PVT1: variants seen among roughly 807,000 people sequenced by gnomAD.
The protein encoded by PVT1 is Pvt1 oncogene.
chr8:128,011,710 G>A (rs867700276), intron 4 of PVT1, among the ~76,000 whole-genome samples: 18 of 152,334 alleles, frequency 1.2e-4, no homozygotes, highest in Admixed American at 6.5e-4. Context: ...GAGTTAGGAG[G>A]TAGAGACTGG....
chr8:127,899,996 GC>G (rs1815738668), intron 3 of PVT1, among the ~76,000 whole-genome samples: 2 of 152,172 alleles, frequency 1.3e-5, no homozygotes, highest in Admixed American at 1.3e-4. Flanking sequence ...GGCATGCTTT[GC>G]TTTGGATCAT....
intron 3 of PVT1, among the ~76,000 whole-genome samples, chr8:127,967,644 A>G (rs1043690384): frequency 6.6e-6 from 1 of 152,188 alleles, no homozygotes; most frequent in Non-Finnish European, 1.5e-5. Context: ...TTCCCAGCCT[A>G]CTTTGAGCCA....
intron 3 of PVT1, among the ~76,000 whole-genome samples, chr8:127,902,734 G>A (rs1815774414): frequency 6.6e-6 from 1 of 152,130 alleles, no homozygotes; most frequent in Non-Finnish European, 1.5e-5. Flanking sequence ...ATGGCCTCCA[G>A]CTGCATCCAT....
intron 2 of PVT1, among the ~76,000 whole-genome samples, chr8:127,811,354 C>T (rs1814592992): frequency 6.6e-6 from 1 of 152,114 alleles, no homozygotes; most frequent in African/African-American, 2.4e-5. Flanking sequence ...CGTATGTGGC[C>T]CCCGGGGCCA....
In PVT1 at chr8:127,808,755, C is replaced by T. The variant is rs566825214; in HGVS notation, n.372+12684C>T. Reference sequence around the variant, plus strand: ...ACAGAAAGGACTTCTTGGGACCAGGCGTGGTGGCTCATGCCTGTAATCCCA... The same window carrying T: ...ACAGAAAGGACTTCTTGGGACCAGGTGTGGTGGCTCATGCCTGTAATCCCA... On this transcript the variant is annotated intron_variant and non_coding_transcript_variant, in intron 2 of 10. Coordinates refer to ENST00000651587, the Ensembl canonical transcript of PVT1. Among the ~76,000 whole-genome samples, 226 of 151,956 alleles carry T rather than the reference C, an allele frequency of 1.5e-3. 1 individual carries two copies. Among genetic ancestry groups the T allele is most frequent in the African/African-American group, 5.2e-3 (217 of 41,454 alleles).
intron 2 of PVT1, among the ~76,000 whole-genome samples, chr8:127,887,931 GTTT>G (rs560976785): frequency 1.5e-5 from 1 of 66,588 alleles, no homozygotes; most frequent in African/African-American, 6.5e-5. Context: ...ACTCTATCTT[GTTT>G]TTTTTTTTTT....
chr8:127,972,383 A>G (rs923299817), intron 3 of PVT1, among the ~76,000 whole-genome samples: 3 of 152,178 alleles, frequency 2.0e-5, no homozygotes, highest in South Asian at 4.1e-4. Flanking sequence ...GATGGTTTCA[A>G]TTGGAGCTGT....
intron 3 of PVT1, among the ~76,000 whole-genome samples, chr8:127,894,432 A>G (rs959968556): frequency 6.6e-6 from 1 of 152,196 alleles, no homozygotes; most frequent in African/African-American, 2.4e-5. Flanking sequence ...ACTGAGGTTC[A>G]GTGAGATCCA....
Position 127,984,994 on chromosome 8 carries a change from T to TTCCTTCCTTCCTTCC in PVT1, n.783-4167_783-4166insCCTTCCTTCCTTCCT, listed in dbSNP as rs1563657746. On this transcript the variant is annotated intron_variant and non_coding_transcript_variant, in intron 3 of 10. Coordinates refer to ENST00000651587, the Ensembl canonical transcript of PVT1. The stretch of plus-strand genomic sequence containing the variant: ...TCCTTCCTTCCTTTCTTTCTTTCTC[T>TTCCTTCCTTCCTTCC]TTCCTTCCTTCCTTCCTTCCTTCCT... 7.4e-5 allele frequency among the ~76,000 whole-genome samples: 5 copies of TTCCTTCCTTCCTTCC among 67,134 alleles called. No homozygotes were observed. In the South Asian group the frequency reaches 1.5e-3, roughly 20 times the overall value. The allele number at this position is 67,134 out of a possible 152,430, so 44.0% of individuals were successfully genotyped here. A position where few individuals can be genotyped will look rare whatever the true frequency, so the allele number is the denominator to read the frequency against.
chr8:127,814,383 ATGCATCCT>A (rs551818737), intron 2 of PVT1, among the ~76,000 whole-genome samples: 1 of 152,194 alleles, frequency 6.6e-6, no homozygotes, highest in Non-Finnish European at 1.5e-5. Flanking sequence ...CCAGCCTTTC[ATGCATCCT>A]TGTCTTTATT....
chr8:127,894,863 C>G (rs748380814), intron 3 of PVT1, among the ~76,000 whole-genome samples: 3 of 152,228 alleles, frequency 2.0e-5, no homozygotes, highest in Non-Finnish European at 2.9e-5. Flanking sequence ...AGTAGTAGCT[C>G]TGTGTCATGT....
At chr8:127,899,679 G>C (rs1402145149) in intron 3 of PVT1, among the ~76,000 whole-genome samples, 1 of 152,152 alleles carries the variant, frequency 6.6e-6, no homozygotes, top group East Asian at 1.9e-4. Context: ...TGGAGCTGGT[G>C]GAAGTGAGGG....
chr8:127,972,606 G>T (rs978356400), intron 3 of PVT1, among the ~76,000 whole-genome samples: 1 of 152,060 alleles, frequency 6.6e-6, no homozygotes, highest in Non-Finnish European at 1.5e-5. Context: ...GGGTGTGGTG[G>T]CAGGCACCTG....
intron 4 of PVT1, among the ~76,000 whole-genome samples, chr8:128,039,138 C>G (rs1813500473): frequency 1.3e-5 from 2 of 152,170 alleles, no homozygotes; most frequent in Non-Finnish European, 2.9e-5. Context: ...TTCTTTCTGC[C>G]TTGGTTCCCT....
intron 4 of PVT1, among the ~76,000 whole-genome samples, chr8:128,027,819 G>C (rs1320391865): frequency 6.6e-6 from 1 of 152,210 alleles, no homozygotes; most frequent in Non-Finnish European, 1.5e-5. Context: ...AGAATGCACA[G>C]ATGCTGCACC....
At chr8:127,983,374 A>G (rs560241623) in intron 3 of PVT1, among the ~76,000 whole-genome samples, 1 of 152,300 alleles carries the variant, frequency 6.6e-6, no homozygotes, top group East Asian at 1.9e-4. Context: ...TTAAGGTGAC[A>G]TAGGTTTTTT....
At chr8:128,084,918 T>C (rs1586512860) in intron 5 of PVT1, among the ~76,000 whole-genome samples, 1 of 152,210 alleles carries the variant, frequency 6.6e-6, no homozygotes, top group South Asian at 2.1e-4. Context: ...TTTCTTGCTT[T>C]GCTCCCAGGC....
At chr8:127,928,444 A>G (rs1172135159) in intron 3 of PVT1, among the ~76,000 whole-genome samples, 1 of 152,152 alleles carries the variant, frequency 6.6e-6, no homozygotes, top group Non-Finnish European at 1.5e-5. Flanking sequence ...ACCTATCAGG[A>G]TGGTCCTGAA....
chr8:127,961,418 C>T (rs565507236), intron 3 of PVT1, among the ~76,000 whole-genome samples: 184 of 152,292 alleles, frequency 1.2e-3, no homozygotes, highest in Middle Eastern at 3.4e-3. Context: ...ATGTTCTTTT[C>T]TGTGTCCAGC....
Sources: allele counts gnomAD v4.1 joint callset (sites outside exome capture counted in the v4.1 genomes callset), GRCh38; gene constraint gnomAD v4.1.1; transcripts MANE v1.5; gene names NCBI Gene and HGNC (gene_info 2026-07-23, HGNC 2026-07-21).